Variants in ATP8A2 observed in about 807,000 individuals in gnomAD.
ATP8A2 encodes ATPase phospholipid transporting 8A2, also known as phospholipid-transporting ATPase IB.
Under a neutral mutation model 165.6 loss-of-function variants are expected in ATP8A2, and 100 were observed. The ratio of observed to expected loss-of-function variants is 0.60; its 90% CI spans 0.51 to 0.71. The LOEUF (loss-of-function observed/expected upper bound fraction) is 0.71. Ranked by LOEUF, ATP8A2 falls within the 30% of genes least tolerant of loss-of-function variation. ATP8A2 has a pLI of 0.00. For missense variants in ATP8A2, 1,227 were observed against 1,479.5 expected (o/e 0.83, Z 2.80); for synonymous variants, 543 against 548.8 (o/e 0.99, Z 0.15).
rs1478391055 is a variant in ATP8A2 at position 26,023,407 on chromosome 13, A to C, written c.*3422A>C. 5.3e-5 allele frequency: 8 copies of C among 152,174 alleles called. No homozygotes were observed. Among genetic ancestry groups the C allele is most frequent in the Admixed American group, 5.2e-4 (8 of 15,280 alleles). The allele number at this position is 152,174 out of a possible 1,614,324, so 9.4% of individuals were successfully genotyped here. The stretch of plus-strand genomic sequence containing the variant: ...CTGTTGACATTTTCTTTCCCTTGAC[A>C]AGGCTTCAGGTTCGTCTCACTATAG... On this transcript the variant is annotated 3_prime_UTR_variant, in exon 37 of 37. Coordinates refer to ENST00000381655, the MANE Select transcript of ATP8A2 (RefSeq NM_016529.6).
intron 2 of ATP8A2, among the ~76,000 whole-genome samples, chr13:25,480,749 G>A (rs1339119070): frequency 3.3e-5 from 5 of 150,954 alleles, no homozygotes; most frequent in African/African-American, 1.2e-4. Flanking sequence ...CTTCCTAGAC[G>A]GGGTGGCGGC....
chr13:25,847,866 C>T (rs561015604), intron 30 of ATP8A2, among the ~76,000 whole-genome samples: 37 of 152,282 alleles, frequency 2.4e-4, no homozygotes, highest in African/African-American at 8.7e-4. Flanking sequence ...CACCCCCAGC[C>T]ACCTCCTTTA....
intron 24 of ATP8A2, among the ~76,000 whole-genome samples, chr13:25,667,307 A>G (rs2042174720): frequency 6.6e-6 from 1 of 151,924 alleles, no homozygotes; most frequent in South Asian, 2.1e-4. Context: ...CCAGCATGGC[A>G]GTATTGGGAA....
intron 24 of ATP8A2, among the ~76,000 whole-genome samples, chr13:25,612,105 CTTTTGTA>C (rs1352194203): frequency 6.6e-6 from 1 of 151,888 alleles, no homozygotes; most frequent in African/African-American, 2.4e-5. Flanking sequence ...TTTCATTTAT[CTTTTGTA>C]TTTTTTTGTT....
intron 24 of ATP8A2, among the ~76,000 whole-genome samples, chr13:25,686,365 T>G (rs1033547071): frequency 6.6e-6 from 1 of 152,180 alleles, no homozygotes; most frequent in South Asian, 2.1e-4. Context: ...TATAGCTGCC[T>G]TGGTCATCTT....
At chr13:25,434,761 C>G (rs893026459) in intron 1 of ATP8A2, among the ~76,000 whole-genome samples, 25 of 152,156 alleles carry the variant, frequency 1.6e-4, no homozygotes, top group African/African-American at 6.0e-4. Context: ...GATGACTTGT[C>G]TCTCACTCTT....
chr13:25,741,771 A>C (rs2043918081), intron 25 of ATP8A2, among the ~76,000 whole-genome samples: 1 of 152,114 alleles, frequency 6.6e-6, no homozygotes. Context: ...AACATCACAG[A>C]ATTTGGGGGA....
intron 1 of ATP8A2, among the ~76,000 whole-genome samples, chr13:25,429,089 C>G (rs138139954): frequency 6.6e-6 from 1 of 151,834 alleles, no homozygotes; most frequent in African/African-American, 2.4e-5. Flanking sequence ...ATCTAGTGGC[C>G]GGGCACCGTG....
intron 24 of ATP8A2, among the ~76,000 whole-genome samples, chr13:25,618,957 G>C (rs2040898941): frequency 6.6e-6 from 1 of 152,150 alleles, no homozygotes; most frequent in South Asian, 2.1e-4. Context: ...TTGGGTTTCT[G>C]TTTTCCAGTC....
intron 1 of ATP8A2, among the ~76,000 whole-genome samples, chr13:25,452,556 G>A (rs563909483): frequency 6.6e-6 from 1 of 152,138 alleles, no homozygotes; most frequent in South Asian, 2.1e-4. Context: ...GTATACATTA[G>A]TAATTCACTG....
intron 1 of ATP8A2, among the ~76,000 whole-genome samples, chr13:25,417,970 C>T (rs1196024274): frequency 1.3e-5 from 2 of 152,180 alleles, no homozygotes; most frequent in Non-Finnish European, 2.9e-5. Flanking sequence ...GTACCATGAT[C>T]CCAGGACTCC....
In ATP8A2 at chr13:25,437,372, A is replaced by G. The variant is rs80218783; in HGVS notation, c.77-31605A>G. On this transcript the variant is annotated intron_variant, in intron 1 of 36. Transcript: ENST00000381655. ...TCTCAATCAGATTCAGAATTAATCA[A>G]TTGATGGATTTGGAACAAGGTTTCC... 5.9e-4 allele frequency among the ~76,000 whole-genome samples: 90 copies of G among 152,274 alleles called. 2 individuals carry two copies. The East Asian group carries it at 0.017, about 28-fold the overall frequency.
Position 25,681,511 on chromosome 13 carries a change from T to G in ATP8A2, c.2212-17662T>G, listed in dbSNP as rs1042599116. ...GTCCTGACGCTGCAGGGTTAGGGCA[T>G]TGGTGCCTTTTGTTCAGTCCACGCA... On this transcript the variant is annotated intron_variant, in intron 24 of 36. Coordinates refer to ENST00000381655, the MANE Select transcript of ATP8A2 (RefSeq NM_016529.6). Among the ~76,000 whole-genome samples, 5 of 152,280 alleles carry G rather than the reference T, an allele frequency of 3.3e-5. No individual in the cohort carries two copies. The South Asian group carries it at 1.0e-3, about 32-fold the overall frequency.
chr13:25,588,779 C>A (rs889296929), intron 23 of ATP8A2, among the ~76,000 whole-genome samples: 4 of 152,200 alleles, frequency 2.6e-5, no homozygotes, highest in Non-Finnish European at 5.9e-5. Flanking sequence ...GCTAACCCCC[C>A]AAGGCACTGA....
At chr13:25,585,109 G>A (rs1257075160) in intron 23 of ATP8A2, among the ~76,000 whole-genome samples, 1 of 152,194 alleles carries the variant, frequency 6.6e-6, no homozygotes, top group Non-Finnish European at 1.5e-5. Flanking sequence ...GTGAGCCAGT[G>A]AATTGTATGT....
intron 25 of ATP8A2, among the ~76,000 whole-genome samples, chr13:25,730,953 G>T (rs2138083926): frequency 6.6e-6 from 1 of 151,862 alleles, no homozygotes; most frequent in East Asian, 1.9e-4. Context: ...ACATACCTGT[G>T]GTCCCAGCCG....
chr13:25,646,862 C>A (rs868427903), intron 24 of ATP8A2, among the ~76,000 whole-genome samples: 6 of 152,038 alleles, frequency 3.9e-5, no homozygotes, highest in African/African-American at 1.4e-4. Flanking sequence ...TCTGTAATGA[C>A]GTGCTTTGAA....
intron 35 of ATP8A2, among the ~76,000 whole-genome samples, chr13:26,007,860 A>ACCC (rs1956774277): frequency 6.6e-6 from 1 of 152,086 alleles, no homozygotes; most frequent in African/African-American, 2.4e-5. Context: ...ATATAACAGA[A>ACCC]CCCTATGCAT....
chr13:25,851,497 C>T (rs1952007696), intron 30 of ATP8A2, among the ~76,000 whole-genome samples: 1 of 151,424 alleles, frequency 6.6e-6, no homozygotes, highest in Non-Finnish European at 1.5e-5. Flanking sequence ...GCAGGAGAAT[C>T]GCTTGAACCC....
Sources: gnomAD v4.1 joint callset for allele counts (sites outside exome capture counted in the v4.1 genomes callset) on GRCh38, gnomAD v4.1.1 for gene constraint, MANE v1.5 for transcripts, NCBI Gene and HGNC (gene_info 2026-07-23, HGNC 2026-07-21) for gene names.